Variants in PDZRN3 observed in about 807,000 individuals in gnomAD.
The protein encoded by PDZRN3 is E3 ubiquitin-protein ligase PDZRN3.
A neutral mutation model predicts 85.7 loss-of-function variants in PDZRN3; 38 were observed. That is an observed-to-expected ratio of 0.44 (90% CI 0.34 to 0.58). The LOEUF (loss-of-function observed/expected upper bound fraction) is 0.58. PDZRN3 is among the 20% of genes least tolerant of loss of function. PDZRN3 has a pLI of 0.01. For missense variants in PDZRN3, 1,629 were observed against 1,506.4 expected, an observed-to-expected ratio of 1.08 and a Z score of -1.35; for synonymous variants, 759 against 638.0, an observed-to-expected ratio of 1.19 and a Z score of -2.86.
In PDZRN3 at chr3:73,467,008, TCTG is replaced by T. The variant is rs769261087; in HGVS notation, c.919-62616_919-62614del. Among the ~76,000 whole-genome samples, 5 of 152,286 alleles carry T rather than the reference TCTG, an allele frequency of 3.3e-5. No individual in the cohort carries two copies. In the South Asian group the frequency reaches 6.2e-4, roughly 19 times the overall value. ...TGGGTCCCCAGGAATTTATCCTGGA[TCTG>T]CTGCTAAGATACCCCCAGTTTATTG... On this transcript the variant is annotated intron_variant, in intron 3 of 9. Transcript: ENST00000263666.
intron 1 of PDZRN3, among the ~76,000 whole-genome samples, chr3:73,609,153 T>C (rs2106905841): frequency 6.6e-6 from 1 of 152,208 alleles, no homozygotes. Context: ...CATCTCTGTT[T>C]GGGAGACTTG....
chr3:73,567,512 C>A (rs1256852485), intron 3 of PDZRN3, among the ~76,000 whole-genome samples: 4 of 152,078 alleles, frequency 2.6e-5, no homozygotes, highest in African/African-American at 9.7e-5. Flanking sequence ...ATCAATTCTA[C>A]TCAAGCAGAA....
At chr3:73,516,922 A>G (rs1275739770) in intron 3 of PDZRN3, among the ~76,000 whole-genome samples, 1 of 152,316 alleles carries the variant, frequency 6.6e-6, no homozygotes, top group East Asian at 1.9e-4. Flanking sequence ...CAAAGCAAAC[A>G]CTACACACAA....
chr3:73,509,327 A>C (rs1157282539), intron 3 of PDZRN3, among the ~76,000 whole-genome samples: 2 of 152,206 alleles, frequency 1.3e-5, no homozygotes, highest in Non-Finnish European at 2.9e-5. Context: ...GGCACAGGAA[A>C]GGGCGGACCC....
intron 3 of PDZRN3, among the ~76,000 whole-genome samples, chr3:73,479,009 C>G (rs373503294): frequency 6.6e-6 from 1 of 152,202 alleles, no homozygotes; most frequent in Non-Finnish European, 1.5e-5. Flanking sequence ...TTGCACCAAC[C>G]TAATAATTCA....
chr3:73,575,474 G>C (rs1322790826), intron 3 of PDZRN3, among the ~76,000 whole-genome samples: 2 of 152,178 alleles, frequency 1.3e-5, no homozygotes, highest in Non-Finnish European at 2.9e-5. Flanking sequence ...ATCAAACACA[G>C]TGACCTTCTC....
At chr3:73,461,690 G>A (rs1389981461) in intron 3 of PDZRN3, among the ~76,000 whole-genome samples, 1 of 152,190 alleles carries the variant, frequency 6.6e-6, no homozygotes, top group Non-Finnish European at 1.5e-5. Flanking sequence ...CCATTTAGAT[G>A]GTTTTGCGGA....
intron 3 of PDZRN3, among the ~76,000 whole-genome samples, chr3:73,551,533 A>T (rs1559734110): frequency 6.6e-6 from 1 of 152,088 alleles, no homozygotes; most frequent in Non-Finnish European, 1.5e-5. Flanking sequence ...AAATAAAAAA[A>T]TTAGCTGGGC....
At chr3:73,416,850 G>GT (rs1233217783) in intron 3 of PDZRN3, among the ~76,000 whole-genome samples, 167 of 111,604 alleles carry the variant, frequency 1.5e-3, no homozygotes, top group Non-Finnish European at 2.0e-3. Flanking sequence ...ACCTGCCTAG[G>GT]TTTTTTTTTT....
At chr3:73,596,073 T>C (rs1024679225) in intron 3 of PDZRN3, among the ~76,000 whole-genome samples, 11 of 151,996 alleles carry the variant, frequency 7.2e-5, no homozygotes, top group African/African-American at 2.7e-4. Flanking sequence ...ACCTGGAGTA[T>C]CTTGTGCCAG....
At chr3:73,548,284 AG>A (rs1420989843) in intron 3 of PDZRN3, among the ~76,000 whole-genome samples, 1 of 152,174 alleles carries the variant, frequency 6.6e-6, no homozygotes, top group Non-Finnish European at 1.5e-5. Context: ...AGGATTTGGA[AG>A]TTTCTTGTAA....
chr3:73,419,332 A>G (rs776659492), intron 3 of PDZRN3, among the ~76,000 whole-genome samples: 2 of 152,148 alleles, frequency 1.3e-5, no homozygotes, highest in Admixed American at 6.6e-5. Context: ...GTACAAGGAG[A>G]TGACGGGGGT....
chr3:73,421,323 G>A (rs753606679), intron 3 of PDZRN3, among the ~76,000 whole-genome samples: 6 of 152,120 alleles, frequency 3.9e-5, no homozygotes, highest in South Asian at 4.1e-4. Flanking sequence ...AGACTCTTCC[G>A]GGGTCACTCA....
At chr3:73,508,154 A>C (rs1472737559) in intron 3 of PDZRN3, among the ~76,000 whole-genome samples, 1 of 151,998 alleles carries the variant, frequency 6.6e-6, no homozygotes, top group Non-Finnish European at 1.5e-5. Context: ...TTGGCTATCG[A>C]CTAGAAATGT....
At chr3:73,599,597 A>G (rs965883917) in intron 3 of PDZRN3, among the ~76,000 whole-genome samples, 1 of 152,266 alleles carries the variant, frequency 6.6e-6, no homozygotes, top group Non-Finnish European at 1.5e-5. Context: ...ATATTTTGCC[A>G]CATGTATGTC....
intron 3 of PDZRN3, among the ~76,000 whole-genome samples, chr3:73,518,551 AAAG>A (rs1417961684): frequency 6.6e-6 from 1 of 152,192 alleles, no homozygotes; most frequent in African/African-American, 2.4e-5. Flanking sequence ...ACTTAAAAAA[AAAG>A]ACTGAGGTAT....
At position 73,384,028 on chromosome 3, in the gene PDZRN3, G is replaced by A. The variant is rs978694834; in HGVS notation, c.2538C>T (p.Ser846=). 1.3e-6 allele frequency: 2 copies of A among 1,592,260 alleles called. No individual in the cohort carries two copies. Among genetic ancestry groups the A allele is most frequent in the South Asian group, 1.1e-5 (1 of 87,552 alleles). The change falls in exon 10 of 10, where the codon AGC becomes AGT. Residue 846 remains serine (S), a synonymous_variant. Coordinates refer to ENST00000263666, the MANE Select transcript of PDZRN3 (RefSeq NM_015009.3). ...ESKERRASDG[S]RSPTPSQKLG... is the part of the protein sequence containing the mutation. Reference sequence around the variant, plus strand: ...GCTTCTGGCTGGGCGTGGGGCTCCGGCTCCCGTCGCTGGCTCTCCGCTCTT... The same window carrying A: ...GCTTCTGGCTGGGCGTGGGGCTCCGACTCCCGTCGCTGGCTCTCCGCTCTT...
chr3:73,404,347 C>G lies in PDZRN3; in HGVS notation c.967G>C (p.Ala323Pro), dbSNP rs1701811883. The part of the protein sequence containing the change: ...SRATHDQAVE[A>P]FKTAKEPIVV... ...ATGGGCTCCTTGGCTGTCTTGAAAG[C>G]TTCCACAGCCTGGTCATGAGTTGCT... Residue 323 changes from alanine to proline, a missense_variant, in exon 4 of 10, where the codon GCT (alanine) becomes CCT (proline). Physicochemically the swap from Ala to Pro is conservative, Grantham distance 27 (BLOSUM62 -1). Transcript: ENST00000263666. 5.0e-6 allele frequency: 8 copies of G among 1,614,150 alleles called. No individual in the cohort carries two copies. Among genetic ancestry groups the G allele is most frequent in the Non-Finnish European group, 5.9e-6 (7 of 1,179,982 alleles).
At chr3:73,406,297 T>C (rs1701853328) in intron 3 of PDZRN3, among the ~76,000 whole-genome samples, 2 of 152,126 alleles carry the variant, frequency 1.3e-5, no homozygotes, top group Admixed American at 6.5e-5. Flanking sequence ...CAAGTGACCT[T>C]GGTAAGTGCT....
Sources: allele counts gnomAD v4.1 joint callset (sites outside exome capture counted in the v4.1 genomes callset), GRCh38; gene constraint gnomAD v4.1.1; transcripts MANE v1.5; gene names NCBI Gene and HGNC (gene_info 2026-07-23, HGNC 2026-07-21).